Variants in CCDC40 observed in about 807,000 individuals in gnomAD.
CCDC40 encodes the protein coiled-coil domain-containing protein 40.
A neutral mutation model predicts 124.5 loss-of-function variants in CCDC40; 104 were observed. The ratio of observed to expected loss-of-function variants is 0.84; its 90% CI spans 0.71 to 0.98. CCDC40 has a LOEUF of 0.98. Ranked by LOEUF, CCDC40 falls within the 50% of genes least tolerant of loss-of-function variation. The pLI is 0.00. For synonymous variants in CCDC40, 580 were observed against 602.9 expected, an observed-to-expected ratio of 0.96 and a Z score of 0.56; for missense variants, 1,463 against 1,503.9, an observed-to-expected ratio of 0.97 and a Z score of 0.45.
At chr17:80,037,510 G>GGT (rs1188949745) in intron 1 of CCDC40, among the ~76,000 whole-genome samples, 65 of 151,020 alleles carry the variant, frequency 4.3e-4, no homozygotes, top group Admixed American at 3.6e-3. Context: ...TCTAATTCAG[G>GGT]GTGTGTGTGT....
At chr17:80,076,719 T>G (rs573503189) in intron 10 of CCDC40, among the ~76,000 whole-genome samples, 3 of 151,896 alleles carry the variant, frequency 2.0e-5, no homozygotes, top group African/African-American at 7.3e-5. Context: ...CTTAGGTGAT[T>G]GTTAGCATTT....
intron 17 of CCDC40, among the ~76,000 whole-genome samples, chr17:80,091,342 C>CACAG (rs1555594249): frequency 4.1e-4 from 59 of 145,028 alleles, no homozygotes; most frequent in Non-Finnish European, 7.2e-4. Flanking sequence ...CACACACACA[C>CACAG]AGAGAGAGAG....
Position 80,058,992 on chromosome 17 carries a change from C to G in CCDC40, c.1440+12C>G. 4 of 1,614,196 alleles carry G rather than the reference C, an allele frequency of 2.5e-6. No homozygotes were observed. The highest frequency in any genetic ancestry group is 3.4e-6 in the Non-Finnish European group (4 of 1,180,030). ...AAGCAGTGAGTGAGGTAAAAGCAGT[C>G]CCCGCAGCTCTCAGTGTTCGACCCT... On this transcript the variant is annotated intron_variant, in intron 9 of 19. Transcript: ENST00000397545. This position sits in a 1 kb window ranked among gnomAD's most constrained non-coding sequence, Gnocchi z 4.2.
intron 7 of CCDC40, 58 bp downstream of exon 7, chr17:80,050,341 T>C: frequency 7.3e-7 from 1 of 1,373,868 alleles, no homozygotes. Flanking sequence ...CCCAGGGGTG[T>C]CTCCATGTAC....
At position 80,100,480 on chromosome 17, in the gene CCDC40, C is replaced by T. The variant is rs1404015275; in HGVS notation, c.*705C>T. On this transcript the variant is annotated 3_prime_UTR_variant, in exon 20 of 20. Transcript: ENST00000397545. ...TTTTCTCCATCATTAACCCAGCGCT[C>T]TTTCTCCCTGGACTTCCAAGTACCA... 1 of 152,450 alleles carries T rather than the reference C, an allele frequency of 6.6e-6. No individual in the cohort carries two copies. The highest frequency in any genetic ancestry group is 2.4e-5 in the African/African-American group (1 of 41,436). The allele number at this position is 152,450 out of a possible 1,614,324, so 9.4% of individuals were successfully genotyped here. A position where few individuals can be genotyped will look rare whatever the true frequency, so the allele number is the denominator to read the frequency against.
intron 7 of CCDC40, among the ~76,000 whole-genome samples, chr17:80,056,003 TATATATATATA>T (rs1475502959): frequency 8.5e-5 from 2 of 23,474 alleles, no homozygotes; most frequent in Non-Finnish European, 1.9e-4. Flanking sequence ...TATATATATA[TATATATATATA>T]TATTTTTTTT....
At chr17:80,092,653 C>T (rs1392964367) in intron 17 of CCDC40, among the ~76,000 whole-genome samples, 2 of 152,110 alleles carry the variant, frequency 1.3e-5, no homozygotes, top group Non-Finnish European at 2.9e-5. Context: ...CTCTGTCACC[C>T]GGGCTGGAGT....
In CCDC40 at chr17:80,066,206, C is replaced by T; in HGVS notation, c.1562+600C>T. On this transcript the variant is annotated intron_variant, in intron 10 of 19. Coordinates refer to ENST00000397545, the MANE Select transcript of CCDC40 (RefSeq NM_017950.4). This position sits in a 1 kb window ranked among gnomAD's most constrained non-coding sequence, Gnocchi z 4.4. ...TGTCTCACCCGCTGAGCTTTAACTT[C>T]CCCTCCACCTTTCGTAGTCTCCACC... 4.3e-6 allele frequency: 3 copies of T among 702,898 alleles called. No individual in the cohort carries two copies. Among genetic ancestry groups the T allele is most frequent in the Non-Finnish European group, 5.2e-6 (2 of 384,950 alleles). The allele number at this position is 702,898 out of a possible 1,614,324, so 43.5% of individuals were successfully genotyped here.
At chr17:80,038,802 G>A (rs993067925) in intron 2 of CCDC40, among the ~76,000 whole-genome samples, 4 of 152,154 alleles carry the variant, frequency 2.6e-5, no homozygotes, top group Middle Eastern at 3.4e-3. Flanking sequence ...TCAGCCTGGC[G>A]ACAGAGCGAG....
At chr17:80,077,540 C>A (rs2038339133) in intron 10 of CCDC40, among the ~76,000 whole-genome samples, 2 of 152,204 alleles carry the variant, frequency 1.3e-5, no homozygotes, top group South Asian at 4.1e-4. Context: ...AACAATAAAA[C>A]AGCTGCTGCG....
intron 12 of CCDC40, among the ~76,000 whole-genome samples, chr17:80,082,524 A>G (rs1334230375): frequency 6.6e-6 from 1 of 151,690 alleles, no homozygotes; most frequent in Non-Finnish European, 1.5e-5. Flanking sequence ...CCTTTGGAGG[A>G]CCCCCAGAGG....
intron 7 of CCDC40, among the ~76,000 whole-genome samples, chr17:80,056,908 G>A (rs763207072): frequency 1.3e-5 from 2 of 151,378 alleles, no homozygotes; most frequent in Non-Finnish European, 2.9e-5. Flanking sequence ...GGGCGTGGTG[G>A]CGGGCACCTG....
intron 10 of CCDC40, among the ~76,000 whole-genome samples, chr17:80,073,381 C>T (rs1201416821): frequency 2.0e-5 from 3 of 152,224 alleles, no homozygotes; most frequent in African/African-American, 7.2e-5. Flanking sequence ...CCTGCCTCTG[C>T]ACCACATGTT....
intron 1 of CCDC40, among the ~76,000 whole-genome samples, chr17:80,037,690 G>GATTATATAT (rs1555889146): frequency 3.3e-5 from 3 of 92,082 alleles, no homozygotes; most frequent in Non-Finnish European, 6.5e-5. Flanking sequence ...TTTTAAAAAA[G>GATTATATAT]ATATACATAT....
chr17:80,091,215 G>C (rs2038715029), intron 17 of CCDC40, among the ~76,000 whole-genome samples: 1 of 151,968 alleles, frequency 6.6e-6, no homozygotes, highest in Non-Finnish European at 1.5e-5. Flanking sequence ...TGAAAATTCA[G>C]GTTGTTTCCA....
intron 10 of CCDC40, chr17:80,067,725 A>G (rs1488200252): frequency 6.6e-7 from 1 of 1,522,412 alleles, no homozygotes; most frequent in Non-Finnish European, 8.8e-7. Flanking sequence ...ATTGCCTATC[A>G]AGCCCGGAAT....
chr17:80,094,266 G>T (rs2038767769), intron 17 of CCDC40, among the ~76,000 whole-genome samples: 2 of 136,086 alleles, frequency 1.5e-5, no homozygotes, highest in Non-Finnish European at 3.3e-5. Flanking sequence ...AAAAAAAATA[G>T]CCAGGCGTGG....
At chr17:80,069,878 C>T (rs1341915877) in intron 10 of CCDC40, among the ~76,000 whole-genome samples, 2 of 152,240 alleles carry the variant, frequency 1.3e-5, no homozygotes, top group African/African-American at 2.4e-5. Context: ...CCTTTTCCCT[C>T]AGTCCTGATG....
Position 80,066,961 on chromosome 17 carries a change from G to A in CCDC40, c.1562+1355G>A, listed in dbSNP as rs1198545389. ...GGGTTGCCTGAACACCAGGACGAGA[G>A]GACTTGGCCATCTGCCCACTTGGGT... On this transcript the variant is annotated intron_variant, in intron 10 of 19. Coordinates refer to ENST00000397545, the MANE Select transcript of CCDC40 (RefSeq NM_017950.4). The surrounding 1 kb of genome is among the most constrained non-coding windows in gnomAD (Gnocchi z 4.4). 6.6e-6 allele frequency: 1 copy of A among 152,666 alleles called. No individual in the cohort carries two copies. Among genetic ancestry groups the A allele is most frequent in the East Asian group, 1.9e-4 (1 of 5,192 alleles). The allele number at this position is 152,666 out of a possible 1,614,324, so 9.5% of individuals were successfully genotyped here.
Sources: gnomAD v4.1 joint callset for allele counts (sites outside exome capture counted in the v4.1 genomes callset) on GRCh38, gnomAD v4.1.1 for gene constraint, Gnocchi (gnomAD v3.1) non-coding constraint, MANE v1.5 for transcripts, NCBI Gene and HGNC (gene_info 2026-07-23, HGNC 2026-07-21) for gene names.